The following CACNB2 variants were observed in gnomAD, a reference collection of about 807,000 sequenced individuals.
The protein encoded by CACNB2 is calcium voltage-gated channel auxiliary subunit beta 2, also known as voltage-dependent L-type calcium channel subunit beta-2.
Under a neutral mutation model 73.3 loss-of-function variants are expected in CACNB2, and 42 were observed. The observed-to-expected ratio is 0.57, with a 90% CI of 0.45 to 0.74. The LOEUF (loss-of-function observed/expected upper bound fraction) is 0.74. Among genes scored for constraint, CACNB2 ranks in the 30% least tolerant of loss-of-function variants. The probability of loss-of-function intolerance (pLI) is 0.00; values close to 1 mark genes in which losing one functional copy is unlikely to be tolerated. For missense variants in CACNB2, 940 were observed against 853.0 expected, an observed-to-expected ratio of 1.10 and a Z score of -1.27; for synonymous variants, 348 against 310.3, an observed-to-expected ratio of 1.12 and a Z score of -1.28.
chr10:18,320,025 C>T (rs1209190879), intron 2 of CACNB2, among the ~76,000 whole-genome samples: 5 of 152,118 alleles, frequency 3.3e-5, no homozygotes, highest in Admixed American at 3.3e-4. Flanking sequence ...TGCTCTTTGG[C>T]TCCTTCTGAA....
chr10:18,145,657 C>G (rs953587321), intron 1 of CACNB2, among the ~76,000 whole-genome samples: 1 of 152,100 alleles, frequency 6.6e-6, no homozygotes, highest in Admixed American at 6.5e-5. Flanking sequence ...ATATGTTAAC[C>G]TCATAGGGGA....
At chr10:18,302,697 CA>C (rs1168942719) in intron 2 of CACNB2, among the ~76,000 whole-genome samples, 51 of 151,926 alleles carry the variant, frequency 3.4e-4, no homozygotes, top group African/African-American at 1.2e-3. Flanking sequence ...TTTGAGGACT[CA>C]GGGGGAAAGG....
chr10:18,275,635 A>G (rs150873553), intron 2 of CACNB2, among the ~76,000 whole-genome samples: 97 of 152,308 alleles, frequency 6.4e-4, no homozygotes, highest in African/African-American at 2.1e-3. Context: ...TAAAAAAAGA[A>G]AAATAAAATT....
At chr10:18,477,368 C>A (rs1003801755) in intron 3 of CACNB2, among the ~76,000 whole-genome samples, 1 of 152,106 alleles carries the variant, frequency 6.6e-6, no homozygotes, top group Non-Finnish European at 1.5e-5. Context: ...AATAAGAATG[C>A]CTAAACTCTT....
intron 2 of CACNB2, among the ~76,000 whole-genome samples, chr10:18,222,427 C>A (rs1337715285): frequency 1.1e-5 from 1 of 92,506 alleles, no homozygotes; most frequent in Non-Finnish European, 2.9e-5. Flanking sequence ...CACACACACA[C>A]ACAAATTCTG....
chr10:18,406,589 C>A (rs1231194625), intron 3 of CACNB2, among the ~76,000 whole-genome samples: 1 of 152,178 alleles, frequency 6.6e-6, no homozygotes, highest in Admixed American at 6.5e-5. Context: ...CACTGTTTGC[C>A]ATCACCCCTG....
chr10:18,338,061 C>G (rs2041076486), intron 2 of CACNB2, among the ~76,000 whole-genome samples: 1 of 152,068 alleles, frequency 6.6e-6, no homozygotes, highest in Non-Finnish European at 1.5e-5. Context: ...CAAAAATAAA[C>G]AAGTGAGATT....
At chr10:18,444,123 A>C (rs1220883926) in intron 3 of CACNB2, among the ~76,000 whole-genome samples, 1 of 152,072 alleles carries the variant, frequency 6.6e-6, no homozygotes, top group Non-Finnish European at 1.5e-5. Flanking sequence ...CAGAATTCAA[A>C]TGTTGAAATC....
At chr10:18,373,937 A>T (rs1267036095) in intron 2 of CACNB2, among the ~76,000 whole-genome samples, 1 of 152,196 alleles carries the variant, frequency 6.6e-6, no homozygotes, top group Non-Finnish European at 1.5e-5. Context: ...AATCTTGAAG[A>T]CTTGTGTAGA....
intron 2 of CACNB2, among the ~76,000 whole-genome samples, chr10:18,270,312 A>G (rs1029799785): frequency 6.6e-6 from 1 of 152,278 alleles, no homozygotes; most frequent in East Asian, 1.9e-4. Flanking sequence ...CCCTCCCTCG[A>G]CAAGGGGGGA....
chr10:18,145,852 G>A (rs1384863990), intron 1 of CACNB2, among the ~76,000 whole-genome samples: 1 of 152,142 alleles, frequency 6.6e-6, no homozygotes, highest in African/African-American at 2.4e-5. Context: ...TTCCAAGCCT[G>A]GCAGGAGGTA....
At chr10:18,475,357 C>T (rs142248938) in intron 3 of CACNB2, among the ~76,000 whole-genome samples, 7 of 152,192 alleles carry the variant, frequency 4.6e-5, no homozygotes, top group East Asian at 1.9e-4. Flanking sequence ...TTTAATATTA[C>T]GGTTGGTTCC....
chr10:18,461,298 T>C (rs1168525976), intron 3 of CACNB2, among the ~76,000 whole-genome samples: 1 of 152,200 alleles, frequency 6.6e-6, no homozygotes, highest in East Asian at 1.9e-4. Context: ...CCAGGCGTTA[T>C]TCCACCTTTA....
At chr10:18,231,333 C>T (rs1347781237) in intron 2 of CACNB2, among the ~76,000 whole-genome samples, 2 of 152,132 alleles carry the variant, frequency 1.3e-5, no homozygotes, top group African/African-American at 4.8e-5. Context: ...GGCGCCACCA[C>T]ACCCAGCTAA....
At chr10:18,238,173 C>G (rs1043106820) in intron 2 of CACNB2, among the ~76,000 whole-genome samples, 2 of 152,180 alleles carry the variant, frequency 1.3e-5, no homozygotes, top group African/African-American at 4.8e-5. Flanking sequence ...CATGTCCACC[C>G]CAGACATAAC....
intron 5 of CACNB2, among the ~76,000 whole-genome samples, chr10:18,501,582 T>C (rs1439162453): frequency 6.6e-6 from 1 of 152,246 alleles, no homozygotes; most frequent in Non-Finnish European, 1.5e-5. Flanking sequence ...AGGCTTCTCG[T>C]AGATGTACTG....
intron 2 of CACNB2, among the ~76,000 whole-genome samples, chr10:18,394,312 T>A (rs2043618275): frequency 6.6e-6 from 1 of 152,124 alleles, no homozygotes; most frequent in Non-Finnish European, 1.5e-5. Flanking sequence ...TGCCTAAAGC[T>A]TAGCAAAGAC....
At chr10:18,487,390 T>C (rs983453901) in intron 3 of CACNB2, among the ~76,000 whole-genome samples, 24 of 152,180 alleles carry the variant, frequency 1.6e-4, no homozygotes, top group African/African-American at 5.6e-4. Context: ...CTGTGTTTCA[T>C]TAGAAGGAAG....
At chr10:18,145,041 AG>A (rs1485967934) in intron 1 of CACNB2, among the ~76,000 whole-genome samples, 4 of 152,194 alleles carry the variant, frequency 2.6e-5, no homozygotes, top group African/African-American at 9.6e-5. Context: ...AGAGATTGTC[AG>A]TGGCACCTCC....
Sources: gnomAD v4.1 joint callset for allele counts (sites outside exome capture counted in the v4.1 genomes callset) on GRCh38, gnomAD v4.1.1 for gene constraint, MANE v1.5 for transcripts, NCBI Gene and HGNC (gene_info 2026-07-23, HGNC 2026-07-21) for gene names.